Variants in RTN4 observed in about 807,000 individuals in gnomAD.
RTN4 encodes reticulon 4.
A neutral mutation model predicts 90.4 loss-of-function variants in RTN4; 32 were observed. That is an observed-to-expected ratio of 0.35 (90% CI 0.27 to 0.48). RTN4 has a LOEUF of 0.48. Ranked by LOEUF, RTN4 falls within the 20% of genes least tolerant of loss-of-function variation. RTN4 has a pLI of 0.99. For missense variants in RTN4, 1,706 were observed against 1,430.2 expected (o/e 1.19, Z -3.11); for synonymous variants, 629 against 552.5 (o/e 1.14, Z -1.94).
At chr2:54,990,792 CT>C (rs940333477) in intron 3 of RTN4, among the ~76,000 whole-genome samples, 160 of 147,048 alleles carry the variant, frequency 1.1e-3, no homozygotes, top group African/African-American at 2.8e-3. Flanking sequence ...TTTTCTTTTA[CT>C]TTTTTTTTTT....
At chr2:55,007,027 T>C (rs1373172797) in intron 3 of RTN4, among the ~76,000 whole-genome samples, 1 of 152,166 alleles carries the variant, frequency 6.6e-6, no homozygotes, top group African/African-American at 2.4e-5. Flanking sequence ...AGATGTTCTA[T>C]CATCACTTCA....
At chr2:54,973,271 CTTGTATG>C (rs1271769972) in intron 8 of RTN4, 73 bp from the exon 9 acceptor site, 9 of 1,262,712 alleles carry the variant, frequency 7.1e-6, no homozygotes, top group African/African-American at 1.5e-5. Context: ...CCAAGAACTA[CTTGTATG>C]TTATTCAGCT....
exon 1 of RTN4, chr2:55,112,533 A>G (rs1668056075): frequency 6.6e-6 from 1 of 152,318 alleles, no homozygotes; most frequent in Non-Finnish European, 1.5e-5. Context: ...TAAGCTTTTT[A>G]TAGAGAAGCA....
the RTN4 span, among the ~76,000 whole-genome samples, chr2:55,137,578 G>A: frequency 6.6e-6 from 1 of 152,094 alleles, no homozygotes; most frequent in Non-Finnish European, 1.5e-5. Flanking sequence ...CTCCTGGGTA[G>A]ATGCGTGCCT....
rs751097432 is a variant in RTN4, at chr2:55,025,221, T to C, written c.2878A>G (p.Thr960Ala). ...ACTATGCTCTCTATCTCTGCTTGAG[T>C]GGCCAAAGCAGAAACATCTGGAGGC... ...LLPPDVSALA[T>A]QAEIESIVKP... The change falls in exon 3 of 9, where the codon ACT becomes GCT. Residue 960 changes from threonine to alanine, a missense_variant. Thr to Ala is a moderately conservative substitution (Grantham distance 58). Transcript: ENST00000337526. 1 of 1,613,846 alleles carries C rather than the reference T, an allele frequency of 6.2e-7. No homozygotes were observed. Among genetic ancestry groups the C allele is most frequent in the Non-Finnish European group, 8.5e-7 (1 of 1,179,824 alleles).
intron 5 of RTN4, among the ~76,000 whole-genome samples, chr2:54,977,085 G>C (rs1007608496): frequency 1.5e-4 from 23 of 152,294 alleles, no homozygotes; most frequent in Admixed American, 1.4e-3. Flanking sequence ...TTCAATTTGG[G>C]GGAAGGGGTA....
At chr2:55,005,207 G>A (rs935203411) in intron 3 of RTN4, among the ~76,000 whole-genome samples, 1 of 152,196 alleles carries the variant, frequency 6.6e-6, no homozygotes, top group Non-Finnish European at 1.5e-5. Flanking sequence ...TAAGTGCCAT[G>A]ATTAGAGTTG....
At chr2:55,068,505 T>A (rs1017512865) in intron 2 of RTN4, among the ~76,000 whole-genome samples, 4 of 152,052 alleles carry the variant, frequency 2.6e-5, no homozygotes, top group Admixed American at 6.6e-5. Context: ...AAAATTTTAG[T>A]TGAAAACCCA....
At chr2:55,097,939 AC>A (rs1449810745) in intron 1 of RTN4, among the ~76,000 whole-genome samples, 1 of 151,432 alleles carries the variant, frequency 6.6e-6, no homozygotes, top group Non-Finnish European at 1.5e-5. Flanking sequence ...AGCCTTCAGC[AC>A]TCCCGCCCCT....
At chr2:55,074,659 C>A (rs968499908) in intron 2 of RTN4, among the ~76,000 whole-genome samples, 2 of 151,622 alleles carry the variant, frequency 1.3e-5, no homozygotes, top group Non-Finnish European at 2.9e-5. Context: ...CCCTGATGAA[C>A]ATAGATACAA....
chr2:55,130,281 T>C, the RTN4 span, among the ~76,000 whole-genome samples: 1 of 152,216 alleles, frequency 6.6e-6, no homozygotes, highest in Non-Finnish European at 1.5e-5. Context: ...TGTTTATATT[T>C]AAACATGTAC....
At chr2:55,032,104 G>C (rs755897267) in intron 1 of RTN4, among the ~76,000 whole-genome samples, 1 of 150,718 alleles carries the variant, frequency 6.6e-6, no homozygotes. Flanking sequence ...TTTTTGAGGC[G>C]GAGTCTTGCT....
rs1376386198 is a variant in RTN4, at chr2:54,972,415, A to AAATTGATGTTGGAGTTCTAT, written c.*721_*740dup. On this transcript the variant is annotated 3_prime_UTR_variant, in exon 9 of 9. Transcript: ENST00000337526. ...TTAACTACAGTCAGTCTGTGCAATGAAATTGATGTTGGAGTTCTATGTGTG... is the reference window on the plus strand; with the variant it reads ...TTAACTACAGTCAGTCTGTGCAATGAAATTGATGTTGGAGTTCTATAATTGATGTTGGAGTTCTATGTGTG... 2 of 131,108 alleles carry AAATTGATGTTGGAGTTCTAT rather than the reference A, an allele frequency of 1.5e-5. No homozygotes were observed. Among genetic ancestry groups the AAATTGATGTTGGAGTTCTAT allele is most frequent in the African/African-American group, 5.0e-5 (2 of 40,342 alleles). The allele number at this position is 131,108 out of a possible 1,614,324, so 8.1% of individuals were successfully genotyped here.
chr2:55,074,906 C>T (rs1476914146), intron 2 of RTN4, among the ~76,000 whole-genome samples: 4 of 152,160 alleles, frequency 2.6e-5, no homozygotes, highest in Admixed American at 6.6e-5. Context: ...CTTAGCAAAA[C>T]TGGCATATAA....
Position 55,050,067 on chromosome 2 carries a change from CA to C in RTN4, c.233del (p.Leu78ArgfsTer74), listed in dbSNP as rs1393775680. 1.4e-6 allele frequency: 2 copies of C among 1,445,024 alleles called. No individual in the cohort carries two copies. The highest frequency in any genetic ancestry group is 1.8e-6 in the Non-Finnish European group (2 of 1,104,280). 89.5% of individuals were successfully genotyped at this position (1,445,024 alleles called of 1,614,324 possible). A position where few individuals can be genotyped will look rare whatever the true frequency, so the allele number is the denominator to read the frequency against. On this transcript the variant is annotated frameshift_variant, in exon 1 of 9. Transcript: ENST00000337526. LOFTEE classifies it high-confidence loss of function. This position sits in a 1 kb window ranked among gnomAD's most constrained non-coding sequence, Gnocchi z 4.6. ...GCACGAAGTCATTTCCGAAGTCCATCAGGGGCGCGCCGGCGGCAGGGGCGGT... is the reference window on the plus strand; with the variant it reads ...GCACGAAGTCATTTCCGAAGTCCATCGGGGCGCGCCGGCGGCAGGGGCGGT... ...VPTAPAAGAP[L>X]MDFGNDFVPP...
chr2:55,120,136 T>C, the RTN4 span, among the ~76,000 whole-genome samples: 1 of 152,200 alleles, frequency 6.6e-6, no homozygotes, highest in African/African-American at 2.4e-5. Flanking sequence ...GGCCTTGCCT[T>C]GGCAGAACCT....
At chr2:54,998,539 T>C (rs952759042) in intron 3 of RTN4, among the ~76,000 whole-genome samples, 1 of 152,206 alleles carries the variant, frequency 6.6e-6, no homozygotes, top group African/African-American at 2.4e-5. Context: ...GATGTCTACA[T>C]TTATTAAATA....
At chr2:54,973,417 A>T in intron 8 of RTN4, 146 bp downstream of exon 8, 2 of 782,824 alleles carry the variant, frequency 2.6e-6, no homozygotes, top group South Asian at 3.4e-5. Context: ...TCCAAATGTT[A>T]GAAAAACAAT....
chr2:55,010,259 A>T, intron 3 of RTN4: 1 of 1,523,416 alleles, frequency 6.6e-7, no homozygotes, highest in Non-Finnish European at 8.8e-7. Context: ...CTGCTGCACA[A>T]CTGCAGCAGG....
Sources: gnomAD v4.1 joint callset for allele counts (sites outside exome capture counted in the v4.1 genomes callset) on GRCh38, gnomAD v4.1.1 for gene constraint, Gnocchi (gnomAD v3.1) non-coding constraint, MANE v1.5 for transcripts, NCBI Gene and HGNC (gene_info 2026-07-23, HGNC 2026-07-21) for gene names.